UBE2A: variants seen among roughly 807,000 people sequenced by gnomAD.
The protein encoded by UBE2A is ubiquitin-conjugating enzyme E2 A.
For synonymous variants in UBE2A, 39 were observed against 41.1 expected, an observed-to-expected ratio of 0.95 and a Z score of 0.20; for missense variants, 27 against 125.8, an observed-to-expected ratio of 0.21 and a Z score of 3.76.
chrX:119,581,722 G>C, intron 4 of UBE2A, 126 bp downstream of exon 4: 2 of 551,630 alleles, frequency 3.6e-6, no homozygotes, highest in Non-Finnish European at 6.2e-6. Context: ...CTTGAAAGCT[G>C]AACTTGTTCT....
At chrX:119,576,294 A>G (rs2053415451) in intron 3 of UBE2A, among the ~76,000 whole-genome samples, 1 of 111,767 alleles carries the variant, frequency 8.9e-6, no homozygotes, top group Non-Finnish European at 1.9e-5. Flanking sequence ...TTGAATGACT[A>G]GACCCTATCA....
chrX:119,575,588 TTTC>T (rs1471564258), intron 3 of UBE2A, 188 bp downstream of exon 3: 2 of 479,508 alleles, frequency 4.2e-6, no homozygotes, highest in Admixed American at 9.3e-5. Context: ...GAACTGCACC[TTTC>T]TTCTTGCTTT....
At chrX:119,582,957 A>G (rs77051315) in intron 5 of UBE2A, among the ~76,000 whole-genome samples, 170 bp from the exon 6 acceptor site, 1,652 of 110,492 alleles carry the variant, frequency 0.015, 13 homozygotes, top group Non-Finnish European at 0.026. Flanking sequence ...CTTAAAAAAA[A>G]AAAAAGCCGC....
intron 4 of UBE2A, 25 bp from the exon 5 acceptor site, chrX:119,582,563 A>G (rs1265255013): frequency 5.3e-6 from 6 of 1,129,242 alleles, no homozygotes; most frequent in Admixed American, 2.2e-5. Context: ...TGTTACGTTT[A>G]ATGTACCTAC....
At chrX:119,576,172 A>G (rs2147374828) in intron 3 of UBE2A, among the ~76,000 whole-genome samples, 1 of 111,938 alleles carries the variant, frequency 8.9e-6, no homozygotes, top group East Asian at 2.8e-4. Flanking sequence ...CTTTTTAAAA[A>G]CTTTCTGATT....
chrX:119,577,632 T>TA (rs1474273928), intron 3 of UBE2A, among the ~76,000 whole-genome samples: 130 of 86,717 alleles, frequency 1.5e-3, no homozygotes, highest in African/African-American at 5.6e-3. Flanking sequence ...AAAAAAATTT[T>TA]AGCTTTTTTT....
intron 3 of UBE2A, among the ~76,000 whole-genome samples, chrX:119,578,233 A>G (rs1402493391): frequency 8.9e-6 from 1 of 111,805 alleles, no homozygotes; most frequent in Admixed American, 9.5e-5. Flanking sequence ...AAGAGCTTAC[A>G]CTACCAAAAC....
In UBE2A at chrX:119,583,119, C is replaced by G. The variant is rs768591370; in HGVS notation, c.331-8C>G. The G allele has an allele frequency of 1.1e-5, 13 of 1,209,367 alleles. No homozygotes were observed. Among genetic ancestry groups the G allele is most frequent in the African/African-American group, 8.8e-5 (5 of 57,078 alleles). ...AAGGAACTGACATTTTAAAAATTGT[C>G]TCTTTAGTCTCTGTTGGATGAACCC... On this transcript the variant is annotated splice_region_variant and splice_polypyrimidine_tract_variant and intron_variant, in intron 5 of 5. Transcript: ENST00000371558.
intron 4 of UBE2A, among the ~76,000 whole-genome samples, chrX:119,582,074 G>A (rs1487081929): frequency 1.8e-5 from 2 of 112,476 alleles, no homozygotes; most frequent in Admixed American, 9.4e-5. Flanking sequence ...AGCACCACAG[G>A]TGATTCTAAC....
In UBE2A at chrX:119,574,721, C is replaced by A. The variant is rs2147372999; in HGVS notation, c.10C>A (p.Pro4Thr). ...TGACCCCGCTCGCGACATGTCCACC[C>A]CGGCTCGGCGGCGCCTCATGCGGGA... MST[P>T]ARRRLMRDFK... is the part of the protein sequence containing the mutation. The change falls in exon 1 of 6, where the codon CCG becomes ACG. Residue 4 changes from proline (P) to threonine (T), a missense_variant. By Grantham distance (38) the Pro-to-Thr change is conservative. Coordinates refer to ENST00000371558, the MANE Select transcript of UBE2A (RefSeq NM_003336.4). 1 of 1,198,888 alleles carries A rather than the reference C, an allele frequency of 8.3e-7. No individual in the cohort carries two copies.
At chrX:119,574,869 G>C in intron 1 of UBE2A, 32 bp from the exon 2 acceptor site, 1 of 1,209,864 alleles carries the variant, frequency 8.3e-7, no homozygotes, top group Non-Finnish European at 1.1e-6. Flanking sequence ...GCCAGTGCCG[G>C]CCTAGGGGGA....
rs1320434409 is a variant in UBE2A at position 119,581,491 on chromosome X, T to C, written c.152-16T>C. The C allele has an allele frequency of 8.8e-7, 1 of 1,142,467 alleles. No individual in the cohort carries two copies. Among genetic ancestry groups the C allele is most frequent in the Admixed American group, 2.2e-5 (1 of 45,840 alleles). 94.2% of individuals were successfully genotyped at this position (1,142,467 alleles called of 1,213,427 possible). A position where few individuals can be genotyped will look rare whatever the true frequency, so the allele number is the denominator to read the frequency against. ...TGATAAATACATTTTCTTAAATCTT[T>C]CTTTTCTAACCACAGGAACATTTAA... On this transcript the variant is annotated splice_polypyrimidine_tract_variant and intron_variant, in intron 3 of 5. Coordinates refer to ENST00000371558, the MANE Select transcript of UBE2A (RefSeq NM_003336.4).
intron 2 of UBE2A, 51 bp from the exon 3 acceptor site, chrX:119,575,324 G>A: frequency 1.7e-6 from 2 of 1,209,524 alleles, no homozygotes; most frequent in Non-Finnish European, 2.2e-6. Flanking sequence ...GATGAAGCAG[G>A]GAGAAGGGGG....
intron 3 of UBE2A, among the ~76,000 whole-genome samples, chrX:119,575,960 C>T (rs2053413242): frequency 1.8e-5 from 2 of 111,912 alleles, no homozygotes; most frequent in Non-Finnish European, 3.8e-5. Flanking sequence ...GTACAGTATT[C>T]TTTCTTATTT....
chrX:119,575,054 C>T, intron 2 of UBE2A, 73 bp downstream of exon 2: 2 of 1,155,264 alleles, frequency 1.7e-6, no homozygotes, highest in Non-Finnish European at 2.4e-6. Context: ...CCGGGGCGGG[C>T]CCCCCGCGGA....
rs576419956 is a variant in UBE2A at position 119,577,817 on chromosome X, T to G, written c.151+2417T>G. 7.3e-5 allele frequency among the ~76,000 whole-genome samples: 8 copies of G among 109,001 alleles called. No individual in the cohort carries two copies. The East Asian group carries it at 2.3e-3, about 31-fold the overall frequency. 94.7% of individuals were successfully genotyped at this position (109,001 alleles called of 115,157 possible). Reference sequence around the variant, plus strand: ...CACCATGCCCAGCTAATTTTTGTATTTTTTAGTAAAGAGGGGGTTTCACTA... The same window carrying G: ...CACCATGCCCAGCTAATTTTTGTATGTTTTAGTAAAGAGGGGGTTTCACTA... On this transcript the variant is annotated intron_variant, in intron 3 of 5. Coordinates refer to ENST00000371558, the MANE Select transcript of UBE2A (RefSeq NM_003336.4).
intron 1 of UBE2A, 64 bp downstream of exon 1, chrX:119,574,819 G>A: frequency 8.4e-7 from 1 of 1,197,109 alleles, no homozygotes; most frequent in Non-Finnish European, 1.1e-6. Context: ...GTCCCGAGGC[G>A]CGCCGGGCGG....
intron 3 of UBE2A, among the ~76,000 whole-genome samples, chrX:119,579,838 A>C (rs988846359): frequency 8.9e-6 from 1 of 112,045 alleles, no homozygotes; most frequent in Non-Finnish European, 1.9e-5. Flanking sequence ...TCTTACCCAT[A>C]ATTTAGTCAG....
At chrX:119,582,965 C>T (rs894166438) in intron 5 of UBE2A, among the ~76,000 whole-genome samples, 162 bp from the exon 6 acceptor site, 1 of 109,066 alleles carries the variant, frequency 9.2e-6, no homozygotes, top group East Asian at 2.8e-4. Context: ...AAAAAAAAGC[C>T]GCATATATTT....
Sources: allele counts gnomAD v4.1 joint callset (sites outside exome capture counted in the v4.1 genomes callset), GRCh38; gene constraint gnomAD v4.1.1; transcripts MANE v1.5; gene names NCBI Gene and HGNC (gene_info 2026-07-23, HGNC 2026-07-21).